Variants in BNIP3L observed in about 807,000 individuals in gnomAD.
The protein encoded by BNIP3L is BCL2/adenovirus E1B 19 kDa protein-interacting protein 3-like.
Under a neutral mutation model 25.5 loss-of-function variants are expected in BNIP3L, and 10 were observed. The ratio of observed to expected loss-of-function variants is 0.39; its 90% CI spans 0.24 to 0.67. BNIP3L has a LOEUF of 0.67. Ranked by LOEUF, BNIP3L falls within the 30% of genes least tolerant of loss-of-function variation. BNIP3L has a pLI of 0.45. For synonymous variants in BNIP3L, 113 were observed against 101.2 expected, an observed-to-expected ratio of 1.12 and a Z score of -0.70; for missense variants, 215 against 270.9, an observed-to-expected ratio of 0.79 and a Z score of 1.45.
chr8:26,392,492 C>G (rs1806136097), intron 2 of BNIP3L, among the ~76,000 whole-genome samples: 1 of 152,168 alleles, frequency 6.6e-6, no homozygotes, highest in African/African-American at 2.4e-5. Flanking sequence ...TGTCCAACTT[C>G]CTGAGTGGCT....
At chr8:26,389,319 T>C (rs2117467086) in intron 1 of BNIP3L, among the ~76,000 whole-genome samples, 1 of 152,324 alleles carries the variant, frequency 6.6e-6, no homozygotes, top group African/African-American at 2.4e-5. Flanking sequence ...TTCTCTCCAG[T>C]TGAAATATGT....
intron 3 of BNIP3L, among the ~76,000 whole-genome samples, chr8:26,399,928 T>C (rs2117483566): frequency 6.7e-6 from 1 of 149,146 alleles, no homozygotes; most frequent in East Asian, 2.0e-4. Context: ...TACAAAGAAA[T>C]GGAAGAACAT....
At chr8:26,393,423 A>G (rs74853989) in intron 2 of BNIP3L, among the ~76,000 whole-genome samples, 1 of 148,442 alleles carries the variant, frequency 6.7e-6, no homozygotes, top group South Asian at 2.2e-4. Context: ...GCTTTTAAAA[A>G]TGGCAGCACA....
chr8:26,391,506 G>A, intron 2 of BNIP3L, 80 bp downstream of exon 2: 1 of 1,223,448 alleles, frequency 8.2e-7, no homozygotes, highest in East Asian at 2.8e-5. Context: ...AAATCTGTTT[G>A]CTTAAATCTT....
intron 3 of BNIP3L, among the ~76,000 whole-genome samples, chr8:26,399,962 T>C (rs1328085699): frequency 6.0e-5 from 9 of 150,552 alleles, no homozygotes; most frequent in Admixed American, 4.0e-4. Flanking sequence ...GTAGGAAGAA[T>C]CAATATCGTG....
chr8:26,396,476 A>C (rs1806249930), intron 3 of BNIP3L, among the ~76,000 whole-genome samples: 1 of 116,078 alleles, frequency 8.6e-6, no homozygotes, highest in Non-Finnish European at 1.7e-5. Flanking sequence ...CCATCTGTAC[A>C]TCACCATCAT....
At position 26,410,763 on chromosome 8, in the gene BNIP3L, T is replaced by C. The variant is rs531057598; in HGVS notation, c.*351T>C. 1 of 195,620 alleles carries C rather than the reference T, an allele frequency of 5.1e-6. No individual in the cohort carries two copies. The highest frequency in any genetic ancestry group is 2.3e-5 in the African/African-American group (1 of 43,164). 12.1% of individuals were successfully genotyped at this position (195,620 alleles called of 1,614,324 possible). A position where few individuals can be genotyped will look rare whatever the true frequency, so the allele number is the denominator to read the frequency against. On this transcript the variant is annotated 3_prime_UTR_variant, in exon 6 of 6. Transcript: ENST00000380629. ...CACCAGACTAGACCTGTATCATTCA[T>C]GGTATAAATTTTACTCTTGCAACAT...
chr8:26,411,851 T>G lies in BNIP3L; in HGVS notation c.*1439T>G, dbSNP rs1170528542. The G allele has an allele frequency of 6.6e-6, 1 of 152,638 alleles. No individual in the cohort carries two copies. Among genetic ancestry groups the G allele is most frequent in the Admixed American group, 6.5e-5 (1 of 15,292 alleles). The allele number at this position is 152,638 out of a possible 1,614,324, so 9.5% of individuals were successfully genotyped here. A position where few individuals can be genotyped will look rare whatever the true frequency, so the allele number is the denominator to read the frequency against. ...GATATAGACATTGATATTGACTATT[T>G]AGAGAACCGTTGTTAATTTTAAAAC... On this transcript the variant is annotated 3_prime_UTR_variant, in exon 6 of 6. Coordinates refer to ENST00000380629, the MANE Select transcript of BNIP3L (RefSeq NM_004331.3).
At chr8:26,388,548 G>T (rs1806038750) in intron 1 of BNIP3L, among the ~76,000 whole-genome samples, 1 of 152,150 alleles carries the variant, frequency 6.6e-6, no homozygotes, top group African/African-American at 2.4e-5. Flanking sequence ...CCACAGCAGA[G>T]ATCACTTTTA....
intron 2 of BNIP3L, among the ~76,000 whole-genome samples, chr8:26,391,666 T>C (rs1806115254): frequency 6.6e-6 from 1 of 152,232 alleles, no homozygotes; most frequent in Non-Finnish European, 1.5e-5. Flanking sequence ...GATTATATTG[T>C]TTCTAGCAGT....
At chr8:26,395,500 C>T in intron 3 of BNIP3L, 198 bp downstream of exon 3, 1 of 552,830 alleles carries the variant, frequency 1.8e-6, no homozygotes, top group Non-Finnish European at 3.1e-6. Context: ...CCCTGTCACT[C>T]TAAACGAATT....
intron 3 of BNIP3L, among the ~76,000 whole-genome samples, chr8:26,403,861 A>G (rs1563342352): frequency 6.6e-6 from 1 of 152,086 alleles, no homozygotes; most frequent in Non-Finnish European, 1.5e-5. Flanking sequence ...TTCTCAATCC[A>G]GTGAAAGCAA....
chr8:26,385,726 T>A (rs1805978728), intron 1 of BNIP3L, among the ~76,000 whole-genome samples: 1 of 152,138 alleles, frequency 6.6e-6, no homozygotes, highest in Admixed American at 6.5e-5. Flanking sequence ...ACATCAGCTC[T>A]TACAGAGGTG....
At position 26,392,585 on chromosome 8, in the gene BNIP3L, T is replaced by C. The variant is rs934057885; in HGVS notation, c.284+1159T>C. ...ACTGTGCACCCCCGCCACCCCCGTGTCATCCCTGACTTGTCCCTGTGCTTC... is the reference window on the plus strand; with the variant it reads ...ACTGTGCACCCCCGCCACCCCCGTGCCATCCCTGACTTGTCCCTGTGCTTC... On this transcript the variant is annotated intron_variant, in intron 2 of 5. Transcript: ENST00000380629. Among the ~76,000 whole-genome samples, 4 of 152,094 alleles carry C rather than the reference T, an allele frequency of 2.6e-5. No homozygotes were observed. In the East Asian group the frequency reaches 7.8e-4, roughly 30 times the overall value.
rs1050285654 is a variant in BNIP3L, at chr8:26,391,325, A to G, written c.183A>G (p.Pro61=). Residue 61 remains proline (P), a synonymous_variant, in exon 2 of 6, where the codon CCA becomes CCG. Coordinates refer to ENST00000380629, the MANE Select transcript of BNIP3L (RefSeq NM_004331.3). Reference sequence around the variant, plus strand: ...AAAATGGGGGGCTGGAACACGTACCATCCTCATCCTCCATCCACAATGGAG... The same window carrying G: ...AAAATGGGGGGCTGGAACACGTACCGTCCTCATCCTCCATCCACAATGGAG... The part of the protein sequence containing the change: ...NGKNGGLEHV[P]SSSSIHNGDM... The G allele has an allele frequency of 1.2e-6, 2 of 1,612,068 alleles. No individual in the cohort carries two copies. Among genetic ancestry groups the G allele is most frequent in the African/African-American group, 2.7e-5 (2 of 74,812 alleles).
At chr8:26,401,613 A>T (rs556581897) in intron 3 of BNIP3L, among the ~76,000 whole-genome samples, 1 of 151,790 alleles carries the variant, frequency 6.6e-6, no homozygotes, top group East Asian at 1.9e-4. Flanking sequence ...AAAATAAAAA[A>T]AAAAAAAAAG....
chr8:26,412,529 C>T lies in BNIP3L; in HGVS notation c.*2117C>T, dbSNP rs900931315. Reference sequence around the variant, plus strand: ...CGTTAAAAAGAAACATAGTGTTGCCCTTTTTCTTAAAGCATCAGTGAAATT... The same window carrying T: ...CGTTAAAAAGAAACATAGTGTTGCCTTTTTTCTTAAAGCATCAGTGAAATT... On this transcript the variant is annotated 3_prime_UTR_variant, in exon 6 of 6. Transcript: ENST00000380629. The T allele has an allele frequency of 1.3e-5, 2 of 152,110 alleles. No individual in the cohort carries two copies. Among genetic ancestry groups the T allele is most frequent in the African/African-American group, 4.8e-5 (2 of 41,400 alleles). 9.4% of individuals were successfully genotyped at this position (152,110 alleles called of 1,614,324 possible).
intron 3 of BNIP3L, among the ~76,000 whole-genome samples, chr8:26,404,887 G>A (rs911200651): frequency 2.6e-5 from 4 of 152,180 alleles, no homozygotes; most frequent in Non-Finnish European, 5.9e-5. Context: ...ATTAGATTAA[G>A]TACATTTTTA....
At chr8:26,387,018 T>C (rs1340745373) in intron 1 of BNIP3L, among the ~76,000 whole-genome samples, 1 of 152,286 alleles carries the variant, frequency 6.6e-6, no homozygotes, top group Non-Finnish European at 1.5e-5. Context: ...AATGTAAATA[T>C]AATGAAATTT....
Sources: gnomAD v4.1 joint callset for allele counts (sites outside exome capture counted in the v4.1 genomes callset) on GRCh38, gnomAD v4.1.1 for gene constraint, MANE v1.5 for transcripts, NCBI Gene and HGNC (gene_info 2026-07-23, HGNC 2026-07-21) for gene names.